Variants in IGF1R observed in about 807,000 individuals in gnomAD.
IGF1R encodes the protein insulin-like growth factor 1 receptor.
A neutral mutation model predicts 144.6 loss-of-function variants in IGF1R; 44 were observed. The observed-to-expected ratio is 0.30, with a 90% confidence interval of 0.24 to 0.39. IGF1R has a LOEUF of 0.39. Ranked by LOEUF, IGF1R falls within the 10% of genes least tolerant of loss-of-function variation. The pLI, the probability that IGF1R is intolerant of heterozygous loss-of-function variation, is 1.00. For synonymous variants in IGF1R, 795 were observed against 722.8 expected (o/e 1.10, Z -1.60); for missense variants, 1,355 against 1,833.7 (o/e 0.74, Z 4.77).
intron 1 of IGF1R, among the ~76,000 whole-genome samples, chr15:98,695,759 C>T (rs1436275604): frequency 6.6e-6 from 1 of 152,194 alleles, no homozygotes; most frequent in Non-Finnish European, 1.5e-5. Context: ...GTCCCTCACC[C>T]TGTGTTGATC....
chr15:98,727,299 T>A (rs750633617), intron 2 of IGF1R, among the ~76,000 whole-genome samples: 1 of 152,176 alleles, frequency 6.6e-6, no homozygotes, highest in African/African-American at 2.4e-5. Context: ...CAGGAAGTGA[T>A]TTATCAAAAT....
In IGF1R at chr15:98,962,363, C is replaced by T. The variant is rs996705634; in HGVS notation, c.*4921C>T. The T allele has an allele frequency of 4.3e-6, 1 of 233,464 alleles. No individual in the cohort carries two copies. Among genetic ancestry groups the T allele is most frequent in the South Asian group, 1.8e-4 (1 of 5,532 alleles). 14.5% of individuals were successfully genotyped at this position (233,464 alleles called of 1,614,324 possible). ...CTGTGTTGTCAGCTGTCTTCATTTC[C>T]TGGGCTAAGCAGCATTGGGAGATGT... On this transcript the variant is annotated 3_prime_UTR_variant, in exon 21 of 21. Transcript: ENST00000650285.
intron 2 of IGF1R, among the ~76,000 whole-genome samples, chr15:98,887,244 C>T (rs760383143): frequency 2.0e-5 from 3 of 152,086 alleles, no homozygotes; most frequent in African/African-American, 4.8e-5. Context: ...ATTTCACTCA[C>T]TCCTTTGGGA....
At chr15:98,952,381 T>A (rs762976536) in intron 20 of IGF1R, among the ~76,000 whole-genome samples, 1 of 151,998 alleles carries the variant, frequency 6.6e-6, no homozygotes, top group Non-Finnish European at 1.5e-5. Context: ...GCGCAGCCAC[T>A]GTTTTCTTGC....
chr15:98,683,529 G>GATT (rs2053243625), intron 1 of IGF1R, among the ~76,000 whole-genome samples: 1 of 152,196 alleles, frequency 6.6e-6, no homozygotes, highest in Admixed American at 6.5e-5. Flanking sequence ...GTTTTTAAGG[G>GATT]ATGAGGTAAT....
At position 98,879,386 on chromosome 15, in the gene IGF1R, A is replaced by G. The variant is rs1008345163; in HGVS notation, c.641-11939A>G. On this transcript the variant is annotated intron_variant, in intron 2 of 20. Transcript: ENST00000650285. Reference sequence around the variant, plus strand: ...TGCTTTTTTCCCTTGCTGCCATCTAAGGAGGCTTTCTGTGCTATAGCATCC... The same window carrying G: ...TGCTTTTTTCCCTTGCTGCCATCTAGGGAGGCTTTCTGTGCTATAGCATCC... 7.8e-4 allele frequency among the ~76,000 whole-genome samples: 118 copies of G among 152,244 alleles called. 1 individual carries two copies. The highest frequency in any genetic ancestry group is 2.7e-3 in the African/African-American group (111 of 41,546).
intron 2 of IGF1R, among the ~76,000 whole-genome samples, chr15:98,747,133 A>C (rs1460727573): frequency 1.3e-5 from 2 of 152,168 alleles, no homozygotes; most frequent in African/African-American, 4.8e-5. Context: ...TTGCTCTTCA[A>C]ACTATAGCTC....
chr15:98,936,724 C>T (rs1233819098), intron 17 of IGF1R, among the ~76,000 whole-genome samples: 1 of 151,968 alleles, frequency 6.6e-6, no homozygotes, highest in Non-Finnish European at 1.5e-5. Flanking sequence ...CATGTATTTG[C>T]AGCACATGGT....
intron 1 of IGF1R, among the ~76,000 whole-genome samples, chr15:98,700,052 C>A (rs1203476634): frequency 6.6e-6 from 1 of 152,192 alleles, no homozygotes; most frequent in African/African-American, 2.4e-5. Flanking sequence ...TTTACACTTA[C>A]ACAGAAAATT....
intron 13 of IGF1R, among the ~76,000 whole-genome samples, chr15:98,926,555 A>G (rs980801315): frequency 8.5e-5 from 13 of 152,356 alleles, no homozygotes; most frequent in African/African-American, 3.1e-4. Flanking sequence ...TATGTTGTAC[A>G]TGATAAATAT....
intron 2 of IGF1R, among the ~76,000 whole-genome samples, chr15:98,774,415 A>G (rs867985530): frequency 6.6e-6 from 1 of 152,360 alleles, no homozygotes; most frequent in Non-Finnish European, 1.5e-5. Context: ...TGCAGTGTCT[A>G]TGCTTTTAGG....
chr15:98,803,968 T>C, intron 2 of IGF1R, among the ~76,000 whole-genome samples: 1 of 152,186 alleles, frequency 6.6e-6, no homozygotes, highest in East Asian at 1.9e-4. Flanking sequence ...GCAGCACGGG[T>C]TTGTTTGCAC....
intron 2 of IGF1R, among the ~76,000 whole-genome samples, chr15:98,800,142 C>A (rs2056331487): frequency 6.6e-6 from 1 of 152,066 alleles, no homozygotes; most frequent in South Asian, 2.1e-4. Flanking sequence ...TTTTACAGAG[C>A]TTGTTGAGTT....
Position 98,704,960 on chromosome 15 carries a change from G to A in IGF1R, c.95-2602G>A, listed in dbSNP as rs1245943632. Among the ~76,000 whole-genome samples, 1 of 152,216 alleles carries A rather than the reference G, an allele frequency of 6.6e-6. No homozygotes were observed. The highest frequency in any genetic ancestry group is 1.5e-5 in the Non-Finnish European group (1 of 68,034). The stretch of plus-strand genomic sequence containing the variant: ...TGATTCTTAACGTGAGCAACTCAGA[G>A]AATGAGAGTGCTGCAGTTTACAAGC... On this transcript the variant is annotated intron_variant, in intron 1 of 20. Coordinates refer to ENST00000650285, the MANE Select transcript of IGF1R (RefSeq NM_000875.5). This position sits in a 1 kb window ranked among gnomAD's most constrained non-coding sequence, Gnocchi z 4.9.
intron 2 of IGF1R, chr15:98,880,863 A>T (rs1009096812): frequency 1.3e-5 from 2 of 152,226 alleles, no homozygotes; most frequent in Non-Finnish European, 2.9e-5. Context: ...CTGTAGGGCA[A>T]ATATAACCAT....
intron 1 of IGF1R, among the ~76,000 whole-genome samples, chr15:98,698,080 C>T (rs1278157407): frequency 6.6e-6 from 1 of 150,644 alleles, no homozygotes; most frequent in Admixed American, 6.6e-5. Context: ...GCTCTGTCGC[C>T]CAGGCTGGAG....
At chr15:98,911,577 C>A in intron 7 of IGF1R, 136 bp downstream of exon 7, 1 of 1,098,738 alleles carries the variant, frequency 9.1e-7, no homozygotes, top group South Asian at 1.3e-5. Flanking sequence ...CCAAACATCC[C>A]TACTTCATCC....
intron 13 of IGF1R, among the ~76,000 whole-genome samples, chr15:98,927,852 AC>A (rs1418865736): frequency 6.6e-6 from 1 of 152,220 alleles, no homozygotes; most frequent in African/African-American, 2.4e-5. Flanking sequence ...ATTAATGTTT[AC>A]TTGATCCCCA....
intron 2 of IGF1R, among the ~76,000 whole-genome samples, chr15:98,832,187 T>C (rs1567151537): frequency 6.6e-6 from 1 of 152,152 alleles, no homozygotes; most frequent in Non-Finnish European, 1.5e-5. Context: ...AATTCTATTA[T>C]TATGCACAGA....
Sources: allele counts gnomAD v4.1 joint callset (sites outside exome capture counted in the v4.1 genomes callset), GRCh38; gene constraint gnomAD v4.1.1; non-coding constraint Gnocchi (gnomAD v3.1); transcripts MANE v1.5; gene names NCBI Gene and HGNC (gene_info 2026-07-23, HGNC 2026-07-21).